PCDHGC4: variants seen among roughly 807,000 people sequenced by gnomAD.
The protein encoded by PCDHGC4 is protocadherin gamma-C4.
In PCDHGC4, 15 loss-of-function variants were observed where a neutral mutation model predicts 59.7. The observed-to-expected ratio is 0.25, with a 90% CI of 0.17 to 0.39. The LOEUF (loss-of-function observed/expected upper bound fraction) is 0.39. Among genes scored for constraint, PCDHGC4 ranks in the 10% least tolerant of loss-of-function variants. The probability of loss-of-function intolerance (pLI) is 1.00; values close to 1 mark genes in which losing one functional copy is unlikely to be tolerated. For missense variants in PCDHGC4, 1,016 were observed against 1,189.5 expected (o/e 0.85, Z 2.15); for synonymous variants, 434 against 481.4 (o/e 0.90, Z 1.29).
At chr5:141,495,974 CTCTT>C (rs1562171251) in intron 2 of PCDHGC4, among the ~76,000 whole-genome samples, 2 of 152,032 alleles carry the variant, frequency 1.3e-5, no homozygotes, top group Non-Finnish European at 1.5e-5. Context: ...TTCTCTGTTA[CTCTT>C]TCTTTATCTC....
In PCDHGC4 at chr5:141,491,638, G is replaced by A. The variant is rs2099723160; in HGVS notation, c.2443-3169G>A. The A allele has an allele frequency of 6.2e-7, 1 of 1,613,898 alleles. No individual in the cohort carries two copies. The highest frequency in any genetic ancestry group is 1.3e-5 in the African/African-American group (1 of 75,074). ...ACCCCTCAGCGTTCAGCAGCCCACA[G>A]CTCTGGCGCTGGAGCCTGACGCCAT... On this transcript the variant is annotated intron_variant, in intron 1 of 3. Coordinates refer to ENST00000306593, the MANE Select transcript of PCDHGC4 (RefSeq NM_018928.3). The surrounding 1 kb of genome is among the most constrained non-coding windows in gnomAD (Gnocchi z 6.9).
Position 141,486,662 on chromosome 5 carries a change from C to T in PCDHGC4, c.1489C>T (p.Pro497Ser). 6.2e-7 allele frequency: 1 copy of T among 1,613,970 alleles called. No homozygotes were observed. The highest frequency in any genetic ancestry group is 1.1e-5 in the South Asian group (1 of 91,086). ...GCTTATCTCCTACTCACTCCTGGAG[C>T]CCAGGAATCGAGATGTATCAGCTTC... ...NALISYSLLEPRNRDVSASSF... is the reference protein window; with the variant it reads ...NALISYSLLESRNRDVSASSF... The change falls in exon 1 of 4, where the codon CCC (proline) becomes TCC (serine). Residue 497 changes from proline (P) to serine (S), a missense_variant. Coordinates refer to ENST00000306593, the MANE Select transcript of PCDHGC4 (RefSeq NM_018928.3). The surrounding 1 kb of genome is among the most constrained non-coding windows in gnomAD (Gnocchi z 5.0).
rs1468315559 is a variant in PCDHGC4 at position 141,493,636 on chromosome 5, G to A, written c.2443-1171G>A. 1.3e-5 allele frequency among the ~76,000 whole-genome samples: 2 copies of A among 152,130 alleles called. No individual in the cohort carries two copies. Among genetic ancestry groups the A allele is most frequent in the Non-Finnish European group, 2.9e-5 (2 of 68,040 alleles). The stretch of plus-strand genomic sequence containing the variant: ...TGTGTCTAAGAATACAGTGGCTGAG[G>A]GCTGGCCATCCCTGTGCCCTTCTCC... On this transcript the variant is annotated intron_variant, in intron 1 of 3. Transcript: ENST00000306593. The surrounding 1 kb of genome is among the most constrained non-coding windows in gnomAD (Gnocchi z 4.3).
Position 141,489,079 on chromosome 5 carries a change from C to CCCCA in PCDHGC4, c.2442+1465_2442+1466insCCAC. ...CTCCCCTCCCCCCTGCCCACCCCCGCCACTCGGTGACTAAGAACTGCTGCA... is the reference window on the plus strand; with the variant it reads ...CTCCCCTCCCCCCTGCCCACCCCCGCCCCACACTCGGTGACTAAGAACTGCTGCA... On this transcript the variant is annotated intron_variant, in intron 1 of 3. Transcript: ENST00000306593. This position sits in a 1 kb window ranked among gnomAD's most constrained non-coding sequence, Gnocchi z 4.5. The CCCCA allele has an allele frequency of 9.1e-6, 3 of 329,992 alleles. No homozygotes were observed. Among genetic ancestry groups the CCCCA allele is most frequent in the African/African-American group, 2.4e-5 (1 of 41,312 alleles). The allele number at this position is 329,992 out of a possible 1,614,324, so 20.4% of individuals were successfully genotyped here.
chr5:141,490,517 C>T lies in PCDHGC4; in HGVS notation c.2442+2902C>T. 6.2e-7 allele frequency: 1 copy of T among 1,613,972 alleles called. No homozygotes were observed. The highest frequency in any genetic ancestry group is 2.2e-5 in the East Asian group (1 of 44,854). ...TCCCACTATATCATCGAGCTGCTGG[C>T]CAGCGATGCTGGTTCACCTTCCCTA... On this transcript the variant is annotated intron_variant, in intron 1 of 3. Coordinates refer to ENST00000306593, the MANE Select transcript of PCDHGC4 (RefSeq NM_018928.3). The surrounding 1 kb of genome is among the most constrained non-coding windows in gnomAD (Gnocchi z 5.4).
At chr5:141,504,182 C>A (rs2099836345) in intron 2 of PCDHGC4, among the ~76,000 whole-genome samples, 1 of 152,234 alleles carries the variant, frequency 6.6e-6, no homozygotes, top group Non-Finnish European at 1.5e-5. Context: ...TCAAAAAAAT[C>A]ATGAAAATTG....
intron 3 of PCDHGC4, 89 bp from the exon 4 acceptor site, chr5:141,510,858 T>C (rs992991460): frequency 5.8e-5 from 93 of 1,606,182 alleles, no homozygotes; most frequent in South Asian, 1.0e-4. Flanking sequence ...GGGTGCTGTA[T>C]AGGCATTCAT....
chr5:141,489,666 C>A lies in PCDHGC4; in HGVS notation c.2442+2051C>A. On this transcript the variant is annotated intron_variant, in intron 1 of 3. Transcript: ENST00000306593. The surrounding 1 kb of genome is among the most constrained non-coding windows in gnomAD (Gnocchi z 4.5). ...CCACCCCTGAGCGAGAGATGCGCAT[C>A]TCAGAATCAGCAGCATCTGGGGCAC... 1.2e-6 allele frequency: 2 copies of A among 1,614,222 alleles called. No homozygotes were observed. Among genetic ancestry groups the A allele is most frequent in the Non-Finnish European group, 1.7e-6 (2 of 1,180,036 alleles).
At chr5:141,492,216 C>T (rs1163022229) in intron 1 of PCDHGC4, among the ~76,000 whole-genome samples, 1 of 152,140 alleles carries the variant, frequency 6.6e-6, no homozygotes, top group Non-Finnish European at 1.5e-5. Context: ...GCGCGGGGCT[C>T]ATGCGTGTCC....
At position 141,487,728 on chromosome 5, in the gene PCDHGC4, C is replaced by T. The variant is rs986276637; in HGVS notation, c.2442+113C>T. 2 of 1,570,444 alleles carry T rather than the reference C, an allele frequency of 1.3e-6. No homozygotes were observed. Among genetic ancestry groups the T allele is most frequent in the East Asian group, 2.3e-5 (1 of 42,866 alleles). ...TCAGTAAGTGCCCATAGTGATGTCA[C>T]CATTTTTGTAAGAGGTAACTATGTG... On this transcript the variant is annotated intron_variant, in intron 1 of 3. Coordinates refer to ENST00000306593, the MANE Select transcript of PCDHGC4 (RefSeq NM_018928.3). The surrounding 1 kb of genome is among the most constrained non-coding windows in gnomAD (Gnocchi z 5.0).
chr5:141,491,381 C>A lies in PCDHGC4; in HGVS notation c.2443-3426C>A. On this transcript the variant is annotated intron_variant, in intron 1 of 3. Transcript: ENST00000306593. This position sits in a 1 kb window ranked among gnomAD's most constrained non-coding sequence, Gnocchi z 6.9. ...CTAGTCACCTTCACCTTTCTGTCAGCGAAGTGCCTTCAGGGAAACGCAGAC... is the reference window on the plus strand; with the variant it reads ...CTAGTCACCTTCACCTTTCTGTCAGAGAAGTGCCTTCAGGGAAACGCAGAC... 2 of 1,614,068 alleles carry A rather than the reference C, an allele frequency of 1.2e-6. No homozygotes were observed. The highest frequency in any genetic ancestry group is 1.7e-6 in the Non-Finnish European group (2 of 1,179,950).
chr5:141,505,596 T>G (rs2099846990), intron 3 of PCDHGC4, 115 bp downstream of exon 3: 1 of 1,562,168 alleles, frequency 6.4e-7, no homozygotes, highest in African/African-American at 1.4e-5. Context: ...CTCCAGATCT[T>G]TCGGCAGGTC....
At position 141,491,623 on chromosome 5, in the gene PCDHGC4, G is replaced by A. The variant is rs767724749; in HGVS notation, c.2443-3184G>A. The A allele has an allele frequency of 3.7e-6, 6 of 1,613,812 alleles. No homozygotes were observed. The highest frequency in any genetic ancestry group is 2.7e-5 in the African/African-American group (2 of 74,938). On this transcript the variant is annotated intron_variant, in intron 1 of 3. Transcript: ENST00000306593. This position sits in a 1 kb window ranked among gnomAD's most constrained non-coding sequence, Gnocchi z 6.9. ...CTTCACTTTTCTAAGACCCCTCAGC[G>A]TTCAGCAGCCCACAGCTCTGGCGCT...
chr5:141,502,518 T>C (rs1388007900), intron 2 of PCDHGC4, among the ~76,000 whole-genome samples: 1 of 152,184 alleles, frequency 6.6e-6, no homozygotes, highest in Non-Finnish European at 1.5e-5. Flanking sequence ...CCACTATCAG[T>C]GATGCCGAGT....
In PCDHGC4 at chr5:141,491,419, G is replaced by A. The variant is rs1422517367; in HGVS notation, c.2443-3388G>A. On this transcript the variant is annotated intron_variant, in intron 1 of 3. Coordinates refer to ENST00000306593, the MANE Select transcript of PCDHGC4 (RefSeq NM_018928.3). This position sits in a 1 kb window ranked among gnomAD's most constrained non-coding sequence, Gnocchi z 6.9. ...GGGAAACGCAGACGGGGACGGGGGT[G>A]GAGGGCAGTGCTGCAGGCGCCAGGA... 1 of 1,614,124 alleles carries A rather than the reference G, an allele frequency of 6.2e-7. No individual in the cohort carries two copies.
chr5:141,487,275 G>T lies in PCDHGC4; in HGVS notation c.2102G>T (p.Cys701Phe), dbSNP rs747253888. 2.5e-6 allele frequency: 4 copies of T among 1,614,158 alleles called. No homozygotes were observed. The highest frequency in any genetic ancestry group is 1.1e-5 in the South Asian group (1 of 91,074). The change falls in exon 1 of 4, where the codon TGC becomes TTC. Residue 701 changes from cysteine (C) to phenylalanine (F), a missense_variant. Cys to Phe is a radical substitution (Grantham distance 205, BLOSUM62 -2). Coordinates refer to ENST00000306593, the MANE Select transcript of PCDHGC4 (RefSeq NM_018928.3). The surrounding 1 kb of genome is among the most constrained non-coding windows in gnomAD (Gnocchi z 5.0). ...TTGGCTGTGTCCCTAGTGGCAATTT[G>T]CTTTGTCTCCTTTGGCTCATTCGTG... ...LYLAVSLVAI[C>F]FVSFGSFVAL...
In PCDHGC4 at chr5:141,491,893, G is replaced by A; in HGVS notation, c.2443-2914G>A. The stretch of plus-strand genomic sequence containing the variant: ...GGCCGATTAAGGGATGGGGCTCCGA[G>A]CACCGGGGGTGGTGGCGACTGTGGG... On this transcript the variant is annotated intron_variant, in intron 1 of 3. Transcript: ENST00000306593. This position sits in a 1 kb window ranked among gnomAD's most constrained non-coding sequence, Gnocchi z 6.9. 9 of 1,438,856 alleles carry A rather than the reference G, an allele frequency of 6.3e-6. No individual in the cohort carries two copies. Among genetic ancestry groups the A allele is most frequent in the Non-Finnish European group, 8.3e-6 (9 of 1,088,104 alleles). 89.1% of individuals were successfully genotyped at this position (1,438,856 alleles called of 1,614,324 possible). A position where few individuals can be genotyped will look rare whatever the true frequency, so the allele number is the denominator to read the frequency against.
At position 141,491,448 on chromosome 5, in the gene PCDHGC4, A is replaced by G; in HGVS notation, c.2443-3359A>G. ...GGCAGTGCTGCAGGCGCCAGGACTC[A>G]CCCTCCCCGGACTTCTATAAGCAGT... On this transcript the variant is annotated intron_variant, in intron 1 of 3. Coordinates refer to ENST00000306593, the MANE Select transcript of PCDHGC4 (RefSeq NM_018928.3). The surrounding 1 kb of genome is among the most constrained non-coding windows in gnomAD (Gnocchi z 6.9). The G allele has an allele frequency of 6.2e-7, 1 of 1,613,792 alleles. No homozygotes were observed. The highest frequency in any genetic ancestry group is 8.5e-7 in the Non-Finnish European group (1 of 1,179,986).
At position 141,487,855 on chromosome 5, in the gene PCDHGC4, A is replaced by T; in HGVS notation, c.2442+240A>T. 1 of 974,210 alleles carries T rather than the reference A, an allele frequency of 1.0e-6. No homozygotes were observed. 60.3% of individuals were successfully genotyped at this position (974,210 alleles called of 1,614,324 possible). A position where few individuals can be genotyped will look rare whatever the true frequency, so the allele number is the denominator to read the frequency against. On this transcript the variant is annotated intron_variant, in intron 1 of 3. Coordinates refer to ENST00000306593, the MANE Select transcript of PCDHGC4 (RefSeq NM_018928.3). This position sits in a 1 kb window ranked among gnomAD's most constrained non-coding sequence, Gnocchi z 5.0. Reference sequence around the variant, plus strand: ...TATATCTGAGTAAGAAATGAAAGTAATTGGTGATCAAGAGCCAGGCTGTTG... The same window carrying T: ...TATATCTGAGTAAGAAATGAAAGTATTTGGTGATCAAGAGCCAGGCTGTTG...
Sources: gnomAD v4.1 joint callset for allele counts (sites outside exome capture counted in the v4.1 genomes callset) on GRCh38, gnomAD v4.1.1 for gene constraint, Gnocchi (gnomAD v3.1) non-coding constraint, MANE v1.5 for transcripts, NCBI Gene and HGNC (gene_info 2026-07-23, HGNC 2026-07-21) for gene names.